KSR2: variants seen among roughly 807,000 people sequenced by gnomAD.
The protein encoded by KSR2 is kinase suppressor of ras 2.
In KSR2, 25 loss-of-function variants were observed where a neutral mutation model predicts 107.8. The observed-to-expected ratio is 0.23, with a 90% confidence interval of 0.17 to 0.32. KSR2 has a LOEUF of 0.32. Among genes scored for constraint, KSR2 ranks in the 10% least tolerant of loss-of-function variants. The pLI is 1.00. For missense variants in KSR2, 887 were observed against 1,268.9 expected, an observed-to-expected ratio of 0.70 and a Z score of 4.57; for synonymous variants, 480 against 507.0, an observed-to-expected ratio of 0.95 and a Z score of 0.71.
chr12:117,599,132 T>C (rs1199528634), intron 5 of KSR2, among the ~76,000 whole-genome samples: 5 of 152,166 alleles, frequency 3.3e-5, no homozygotes. Flanking sequence ...TAGCTATTTG[T>C]ATAATGGCAA....
At chr12:117,539,411 G>A (rs1468942191) in intron 10 of KSR2, 3 of 335,388 alleles carry the variant, frequency 8.9e-6, no homozygotes, top group Non-Finnish European at 1.6e-5. Flanking sequence ...ACCCTGGGTT[G>A]TAGCTCGCCA....
intron 4 of KSR2, among the ~76,000 whole-genome samples, chr12:117,668,699 C>T (rs182662122): frequency 5.7e-4 from 87 of 152,146 alleles, no homozygotes; most frequent in African/African-American, 1.9e-3. Flanking sequence ...TAAAAATGCC[C>T]GTAAGTGAAT....
chr12:117,859,434 G>A (rs1893209552), intron 2 of KSR2, among the ~76,000 whole-genome samples: 1 of 145,904 alleles, frequency 6.9e-6, no homozygotes, highest in African/African-American at 2.6e-5. Flanking sequence ...CGCCTGGCCT[G>A]TTTTTTTCGT....
chr12:117,673,357 A>C (rs1372264626), intron 4 of KSR2, among the ~76,000 whole-genome samples: 3 of 152,100 alleles, frequency 2.0e-5, no homozygotes, highest in South Asian at 4.2e-4. Context: ...AAGATGAAAG[A>C]ATTAAAGGAT....
chr12:117,849,595 G>C (rs1358287250), intron 3 of KSR2, among the ~76,000 whole-genome samples: 1 of 152,120 alleles, frequency 6.6e-6, no homozygotes, highest in Non-Finnish European at 1.5e-5. Context: ...CCTATCTTCG[G>C]GGCTCCTTGG....
intron 3 of KSR2, among the ~76,000 whole-genome samples, chr12:117,776,031 A>G (rs1439762005): frequency 2.6e-5 from 4 of 152,126 alleles, no homozygotes; most frequent in Non-Finnish European, 4.4e-5. Context: ...ACAAATCACC[A>G]CTAAAGAACT....
chr12:117,786,516 T>C lies in KSR2; in HGVS notation c.473-24992A>G, dbSNP rs146028556. 3.4e-4 allele frequency among the ~76,000 whole-genome samples: 52 copies of C among 152,158 alleles called. 1 individual carries two copies. The East Asian group carries it at 8.7e-3, about 26-fold the overall frequency. The stretch of plus-strand genomic sequence containing the variant: ...ACCCTTAAGCAGACCCTAGTATCTA[T>C]TTAGAACAACATCTTTTGGCTGGGC... On this transcript the variant is annotated intron_variant, in intron 3 of 19. Transcript: ENST00000339824.
In KSR2 at chr12:117,730,674, G is replaced by GC. The variant is rs745972654; in HGVS notation, c.986+30336_986+30337insG. ...CAGGCACGCGCCGCCACGCCTGACTGGTTTTTGTATTTTTTGGTGGAGACG... is the reference window on the plus strand; with the variant it reads ...CAGGCACGCGCCGCCACGCCTGACTGCGTTTTTGTATTTTTTGGTGGAGACG... On this transcript the variant is annotated intron_variant, in intron 4 of 19. Transcript: ENST00000339824. Among the ~76,000 whole-genome samples the GC allele has an allele frequency of 2.6e-5, 4 of 152,312 alleles. No individual in the cohort carries two copies. The East Asian group carries it at 7.7e-4, about 29-fold the overall frequency.
intron 1 of KSR2, among the ~76,000 whole-genome samples, chr12:117,940,956 G>T (rs928652362): frequency 6.6e-6 from 1 of 151,952 alleles, no homozygotes; most frequent in African/African-American, 2.4e-5. Flanking sequence ...CATGGTGGTG[G>T]TTACCTGTAA....
At chr12:117,667,922 G>A (rs973828917) in intron 4 of KSR2, among the ~76,000 whole-genome samples, 1 of 152,138 alleles carries the variant, frequency 6.6e-6, no homozygotes, top group Non-Finnish European at 1.5e-5. Flanking sequence ...GCTCCCTAGA[G>A]AAGCTCTAGA....
chr12:117,471,447 A>T, intron 17 of KSR2, 127 bp from the exon 18 acceptor site: 1 of 999,002 alleles, frequency 1.0e-6, no homozygotes. Flanking sequence ...TTTCTTCCTC[A>T]TGGGGTTGGT....
intron 14 of KSR2, among the ~76,000 whole-genome samples, chr12:117,521,579 T>A (rs1194824210): frequency 6.6e-6 from 1 of 152,226 alleles, no homozygotes; most frequent in Non-Finnish European, 1.5e-5. Context: ...AACTAGTTGG[T>A]TATTACTCAT....
At chr12:117,841,278 G>T (rs1308151484) in intron 3 of KSR2, among the ~76,000 whole-genome samples, 3 of 152,096 alleles carry the variant, frequency 2.0e-5, no homozygotes, top group Non-Finnish European at 1.5e-5. Flanking sequence ...TGCCCTTTCT[G>T]CCTTCCCCCT....
At chr12:117,776,068 C>CA (rs1349888235) in intron 3 of KSR2, among the ~76,000 whole-genome samples, 1 of 151,612 alleles carries the variant, frequency 6.6e-6, no homozygotes, top group Non-Finnish European at 1.5e-5. Context: ...ACCTGTTCCC[C>CA]AAAAAACTAT....
chr12:117,800,416 A>T (rs1890792434), intron 3 of KSR2, among the ~76,000 whole-genome samples: 1 of 152,080 alleles, frequency 6.6e-6, no homozygotes, highest in Admixed American at 6.5e-5. Flanking sequence ...AGAGTCACAG[A>T]GGCCTGGGTG....
intron 4 of KSR2, among the ~76,000 whole-genome samples, chr12:117,701,451 A>C (rs1886308614): frequency 6.6e-6 from 1 of 152,162 alleles, no homozygotes; most frequent in Non-Finnish European, 1.5e-5. Flanking sequence ...AAAATCCTTC[A>C]GCATCTTCCC....
chr12:117,659,999 C>T (rs1884359111), intron 5 of KSR2, among the ~76,000 whole-genome samples: 1 of 152,190 alleles, frequency 6.6e-6, no homozygotes, highest in Non-Finnish European at 1.5e-5. Flanking sequence ...CTGCCCCTGC[C>T]TCACCTCTTT....
At chr12:117,510,928 C>T (rs1020631878) in intron 14 of KSR2, among the ~76,000 whole-genome samples, 1 of 150,652 alleles carries the variant, frequency 6.6e-6, no homozygotes, top group African/African-American at 2.4e-5. Context: ...GATGTCAACA[C>T]TAATCTAGCA....
At chr12:117,935,697 T>C (rs1895816945) in intron 1 of KSR2, among the ~76,000 whole-genome samples, 1 of 152,094 alleles carries the variant, frequency 6.6e-6, no homozygotes, top group African/African-American at 2.4e-5. Context: ...GAGGTGGAGA[T>C]TGCAGTGAGC....
Sources: allele counts gnomAD v4.1 joint callset (sites outside exome capture counted in the v4.1 genomes callset), GRCh38; gene constraint gnomAD v4.1.1; transcripts MANE v1.5; gene names NCBI Gene and HGNC (gene_info 2026-07-23, HGNC 2026-07-21).